Variants in RYR2 observed in about 807,000 individuals in gnomAD.
RYR2 encodes the protein ryanodine receptor 2.
RYR2 carries 227 observed loss-of-function variants against 601.1 expected under a neutral mutation model. The ratio of observed to expected loss-of-function variants is 0.38; its 90% CI spans 0.34 to 0.42. The LOEUF is 0.42. RYR2 is among the 10% of genes least tolerant of loss of function. The probability of loss-of-function intolerance (pLI) is 1.00; values close to 1 mark genes in which losing one functional copy is unlikely to be tolerated. For synonymous variants in RYR2, 2,223 were observed against 2,175.1 expected, an observed-to-expected ratio of 1.02 and a Z score of -0.61; for missense variants, 4,646 against 6,156.5, an observed-to-expected ratio of 0.75 and a Z score of 8.21.
intron 1 of RYR2, among the ~76,000 whole-genome samples, chr1:237,243,218 T>G (rs1310463046): frequency 6.6e-6 from 1 of 152,080 alleles, no homozygotes; most frequent in Non-Finnish European, 1.5e-5. Context: ...TCACACTATC[T>G]ACCTGGAGAT....
At chr1:237,591,107 C>A (rs1246481733) in intron 31 of RYR2, 115 bp downstream of exon 31, 2 of 184,800 alleles carry the variant, frequency 1.1e-5, no homozygotes, top group Non-Finnish European at 2.1e-5. Context: ...TCCTCCTCCT[C>A]CTCCTCTTCC....
At chr1:237,554,232 T>G (rs1670671058) in intron 27 of RYR2, among the ~76,000 whole-genome samples, 1 of 151,920 alleles carries the variant, frequency 6.6e-6, no homozygotes, top group South Asian at 2.1e-4. Flanking sequence ...CCAGTGCTTT[T>G]TTCCCCATTT....
At chr1:237,567,918 A>G (rs1466300048) in intron 28 of RYR2, among the ~76,000 whole-genome samples, 1 of 151,242 alleles carries the variant, frequency 6.6e-6, no homozygotes, top group Non-Finnish European at 1.5e-5. Context: ...ACATTTCCTG[A>G]ATCCAGTTTT....
At chr1:237,776,844 C>A (rs1310341665) in intron 87 of RYR2, among the ~76,000 whole-genome samples, 1 of 152,134 alleles carries the variant, frequency 6.6e-6, no homozygotes, top group Non-Finnish European at 1.5e-5. Context: ...CCTCTTAGTC[C>A]TCCAGTGCCT....
At chr1:237,630,638 T>C (rs570264865) in intron 41 of RYR2, among the ~76,000 whole-genome samples, 1 of 152,260 alleles carries the variant, frequency 6.6e-6, no homozygotes, top group African/African-American at 2.4e-5. Flanking sequence ...AAATGTTTTA[T>C]AGAAAAGACT....
intron 1 of RYR2, among the ~76,000 whole-genome samples, chr1:237,215,645 G>T (rs1038507008): frequency 1.3e-5 from 2 of 152,106 alleles, no homozygotes; most frequent in Non-Finnish European, 2.9e-5. Context: ...GCAGAAAAAG[G>T]TTTCCTAGTC....
At position 237,042,451 on chromosome 1, in the gene RYR2, C is replaced by A; in HGVS notation, c.-71C>A. ...TCCCGGCAGCAGAAGCAGAAGGCAG[C>A]GCCAGGGGCCGCCGCCGCCGCCGAG... On this transcript the variant is annotated 5_prime_UTR_variant, in exon 1 of 105. Transcript: ENST00000366574. 2.5e-6 allele frequency: 3 copies of A among 1,219,922 alleles called. No homozygotes were observed. Among genetic ancestry groups the A allele is most frequent in the Non-Finnish European group, 3.1e-6 (3 of 968,676 alleles). 75.6% of individuals were successfully genotyped at this position (1,219,922 alleles called of 1,614,324 possible).
chr1:237,544,537 A>T (rs568920756), intron 25 of RYR2, among the ~76,000 whole-genome samples: 1 of 152,258 alleles, frequency 6.6e-6, no homozygotes. Flanking sequence ...TTGGAAATCA[A>T]TCTGAAATTT....
intron 67 of RYR2, 36 bp downstream of exon 67, chr1:237,705,379 A>C (rs1372478973): frequency 2.9e-5 from 45 of 1,557,254 alleles, no homozygotes; most frequent in Non-Finnish European, 3.9e-5. Flanking sequence ...TTGAGATATG[A>C]AGCTAAAACT....
chr1:237,209,801 A>T (rs1682365641), intron 1 of RYR2, among the ~76,000 whole-genome samples: 1 of 152,108 alleles, frequency 6.6e-6, no homozygotes, highest in Non-Finnish European at 1.5e-5. Flanking sequence ...GGCTGTAGTG[A>T]CCTATGATTG....
At chr1:237,579,684 A>C (rs1395215837) in intron 29 of RYR2, among the ~76,000 whole-genome samples, 2 of 152,168 alleles carry the variant, frequency 1.3e-5, no homozygotes, top group African/African-American at 4.8e-5. Context: ...AATTATACTA[A>C]ATCTCCCTAA....
Position 237,136,954 on chromosome 1 carries a change from T to C in RYR2, c.48+94385T>C, listed in dbSNP as rs1672853769. On this transcript the variant is annotated intron_variant, in intron 1 of 104. Coordinates refer to ENST00000366574, the MANE Select transcript of RYR2 (RefSeq NM_001035.3). ...ATTGCTTGAACCAAGGAGGCAGAGGTTGCAGTGAGCCGAGATCATGCCACT... is the reference window on the plus strand; with the variant it reads ...ATTGCTTGAACCAAGGAGGCAGAGGCTGCAGTGAGCCGAGATCATGCCACT... Among the ~76,000 whole-genome samples the C allele has an allele frequency of 3.4e-5, 5 of 148,800 alleles. No individual in the cohort carries two copies. The Admixed American group carries it at 3.4e-4, about 10-fold the overall frequency.
At chr1:237,435,072 C>T (rs1707207116) in intron 12 of RYR2, among the ~76,000 whole-genome samples, 1 of 152,156 alleles carries the variant, frequency 6.6e-6, no homozygotes. Context: ...GCTACGATGC[C>T]AGACTAAAAC....
intron 2 of RYR2, among the ~76,000 whole-genome samples, chr1:237,330,105 C>A (rs964980489): frequency 4.6e-5 from 7 of 152,104 alleles, no homozygotes; most frequent in Admixed American, 1.3e-4. Context: ...TTTTTATCAG[C>A]AAACTGAATG....
chr1:237,275,179 A>T (rs983233607), intron 2 of RYR2, among the ~76,000 whole-genome samples: 40 of 151,982 alleles, frequency 2.6e-4, no homozygotes, highest in African/African-American at 9.4e-4. Context: ...AAATGAAATT[A>T]TATATTTATA....
intron 1 of RYR2, among the ~76,000 whole-genome samples, chr1:237,090,597 CATT>C (rs1666856734): frequency 6.6e-6 from 1 of 152,190 alleles, no homozygotes; most frequent in Admixed American, 6.5e-5. Flanking sequence ...TGTTTTAAGA[CATT>C]ATGTTTGCAG....
chr1:237,299,325 T>A (rs774835260), intron 2 of RYR2, among the ~76,000 whole-genome samples: 13 of 152,128 alleles, frequency 8.5e-5, no homozygotes, highest in Non-Finnish European at 1.8e-4. Context: ...GACTTTCTGC[T>A]AGAGAGAAAG....
rs375772485 is a variant in RYR2, at chr1:237,438,803, G to T, written c.1006-2516G>T. Among the ~76,000 whole-genome samples, 7 of 152,186 alleles carry T rather than the reference G, an allele frequency of 4.6e-5. No homozygotes were observed. In the East Asian group the frequency reaches 1.4e-3, roughly 29 times the overall value. ...GGCAGCCACCTACCAATCACGCAAG[G>T]TGCTATTTGTCTTTTGAGAGATCTA... is the stretch of plus-strand genomic sequence containing the variant. On this transcript the variant is annotated intron_variant, in intron 12 of 104. Transcript: ENST00000366574.
intron 73 of RYR2, 122 bp downstream of exon 73, chr1:237,718,643 C>A: frequency 2.2e-6 from 1 of 445,292 alleles, no homozygotes; most frequent in Non-Finnish European, 4.1e-6. Flanking sequence ...TTTAATTAGT[C>A]ATTATCCTAC....
Sources: gnomAD v4.1 joint callset for allele counts (sites outside exome capture counted in the v4.1 genomes callset) on GRCh38, gnomAD v4.1.1 for gene constraint, MANE v1.5 for transcripts, NCBI Gene and HGNC (gene_info 2026-07-23, HGNC 2026-07-21) for gene names.